The following KCTD7 variants were observed in gnomAD, a reference collection of about 807,000 sequenced individuals.
KCTD7 encodes potassium channel tetramerization domain containing 7, also known as BTB/POZ domain-containing protein KCTD7.
In KCTD7, 15 loss-of-function variants were observed where a neutral mutation model predicts 27.0. That is an observed-to-expected ratio of 0.56 (90% CI 0.37 to 0.86). The LOEUF is 0.86. KCTD7 is among the 40% of genes least tolerant of loss of function. KCTD7 has a pLI of 0.00. For synonymous variants in KCTD7, 159 were observed against 162.7 expected (o/e 0.98, Z 0.17); for missense variants, 299 against 398.9 (o/e 0.75, Z 2.13).
rs1034118225 is a variant in KCTD7, at chr7:66,642,310, A to C, written c.*3078A>C. 5.1e-6 allele frequency: 5 copies of C among 985,356 alleles called. No individual in the cohort carries two copies. The highest frequency in any genetic ancestry group is 6.0e-6 in the Non-Finnish European group (5 of 829,962). 61.0% of individuals were successfully genotyped at this position (985,356 alleles called of 1,614,324 possible). On this transcript the variant is annotated 3_prime_UTR_variant, in exon 4 of 4. Transcript: ENST00000639828. ...GCCCAGTGCTTACCATGCAGAAAGC[A>C]GTCAGCTGTACTCTGGAAGTTTCTG...
Position 66,639,284 on chromosome 7 carries a change from T to C in KCTD7, c.*52T>C, listed in dbSNP as rs758401521. 6.2e-7 allele frequency: 1 copy of C among 1,600,996 alleles called. No homozygotes were observed. The highest frequency in any genetic ancestry group is 8.5e-7 in the Non-Finnish European group (1 of 1,179,876). ...CAGGGAGGATGTCCACCTTGCTTGG[T>C]GGCTCTGGGAGTAAGATCCCTGAAG... On this transcript the variant is annotated 3_prime_UTR_variant, in exon 4 of 4. Transcript: ENST00000639828.
intron 2 of KCTD7, among the ~76,000 whole-genome samples, chr7:66,634,372 G>GT (rs1007827097): frequency 2.6e-5 from 4 of 151,510 alleles, no homozygotes; most frequent in African/African-American, 9.7e-5. Flanking sequence ...TTCGGGGGCT[G>GT]TTTTTTTGGA....
intron 1 of KCTD7, 24 bp from the exon 2 acceptor site, chr7:66,633,251 A>G (rs1786495229): frequency 6.2e-7 from 1 of 1,613,304 alleles, no homozygotes; most frequent in African/African-American, 1.3e-5. Context: ...TGCCTGCCTG[A>G]GAGCCCTGGT....
Position 66,641,010 on chromosome 7 carries a change from C to T in KCTD7, c.*1778C>T, listed in dbSNP as rs1786702283. ...CGTGGGGCTGGACGGCAGTGATCTC[C>T]TGTTCCCTATGTGTAAACAAAGATT... On this transcript the variant is annotated 3_prime_UTR_variant, in exon 4 of 4. Coordinates refer to ENST00000639828, the MANE Select transcript of KCTD7 (RefSeq NM_153033.5). 1.0e-6 allele frequency: 1 copy of T among 985,356 alleles called. No individual in the cohort carries two copies. Among genetic ancestry groups the T allele is most frequent in the Non-Finnish European group, 1.2e-6 (1 of 830,014 alleles). 61.0% of individuals were successfully genotyped at this position (985,356 alleles called of 1,614,324 possible). A position where few individuals can be genotyped will look rare whatever the true frequency, so the allele number is the denominator to read the frequency against.
Position 66,638,904 on chromosome 7 carries a change from G to A in KCTD7, c.542G>A (p.Arg181Gln), listed in dbSNP as rs754654827. ...ATCGCCCGGCTGCGTGCGGTCCAGC[G>A]GAAGGCCCGCTTTGCCAAGCTCAAG... Reference protein sequence around the residue: ...VEIARLRAVQRKARFAKLKVC... With the variant: ...VEIARLRAVQQKARFAKLKVC... Residue 181 changes from arginine to glutamine, a missense_variant, in exon 4 of 4, where the codon CGG becomes CAG. By Grantham distance (43) the Arg-to-Gln change is conservative. Transcript: ENST00000639828. 19 of 1,613,928 alleles carry A rather than the reference G, an allele frequency of 1.2e-5. No homozygotes were observed. The highest frequency in any genetic ancestry group is 1.4e-5 in the Non-Finnish European group (17 of 1,180,016).
At chr7:66,631,112 T>A (rs965726736) in intron 1 of KCTD7, among the ~76,000 whole-genome samples, 1 of 152,166 alleles carries the variant, frequency 6.6e-6, no homozygotes, top group Admixed American at 6.6e-5. Context: ...TAACTACCTG[T>A]CTATTTCTTT....
Position 66,633,370 on chromosome 7 carries a change from G to A in KCTD7, c.240G>A (p.Met80Ile), listed in dbSNP as rs765917850. The A allele has an allele frequency of 2.5e-6, 4 of 1,614,020 alleles. No homozygotes were observed. Among genetic ancestry groups the A allele is most frequent in the East Asian group, 2.2e-5 (1 of 44,874 alleles). ...RCYEDTMLAA[M>I]FSGRHYIPTD... ...ACGAAGACACCATGTTGGCAGCCAT[G>A]TTCAGTGGGCGGCACTACATCCCCA... The change falls in exon 2 of 4, where the codon ATG becomes ATA. Residue 80 changes from methionine to isoleucine, a missense_variant. Transcript: ENST00000639828.
intron 2 of KCTD7, among the ~76,000 whole-genome samples, chr7:66,635,462 G>A (rs778782270): frequency 1.6e-4 from 24 of 152,070 alleles, no homozygotes; most frequent in Non-Finnish European, 3.1e-4. Context: ...TGCTGCACAG[G>A]CTTGTCAAAG....
chr7:66,629,581 G>A (rs1331832982), intron 1 of KCTD7, among the ~76,000 whole-genome samples: 1 of 152,024 alleles, frequency 6.6e-6, no homozygotes. Context: ...ACCGTAGCTC[G>A]AGCCTGTAAT....
chr7:66,641,477 T>TTGCTCTCAA lies in KCTD7; in HGVS notation c.*2250_*2251insTCAATGCTC. 4 of 985,410 alleles carry TTGCTCTCAA rather than the reference T, an allele frequency of 4.1e-6. No individual in the cohort carries two copies. Among genetic ancestry groups the TTGCTCTCAA allele is most frequent in the Non-Finnish European group, 4.8e-6 (4 of 829,922 alleles). The allele number at this position is 985,410 out of a possible 1,614,324, so 61.0% of individuals were successfully genotyped here. Reference sequence around the variant, plus strand: ...ACATGCAAGCCATTGAGAGACTTGTTTGCTCAAATGCAAGTTTGCTCAAAA... The same window carrying TTGCTCTCAA: ...ACATGCAAGCCATTGAGAGACTTGTTTGCTCTCAATGCTCAAATGCAAGTTTGCTCAAAA... On this transcript the variant is annotated 3_prime_UTR_variant, in exon 4 of 4. Coordinates refer to ENST00000639828, the MANE Select transcript of KCTD7 (RefSeq NM_153033.5).
Position 66,638,243 on chromosome 7 carries a change from T to A in KCTD7, c.315-10T>A. Reference sequence around the variant, plus strand: ...CTCCTTGTCACCGACCCTCTTTCCTTCCTGCTTAGAGATGTGCTGAATTTC... The same window carrying A: ...CTCCTTGTCACCGACCCTCTTTCCTACCTGCTTAGAGATGTGCTGAATTTC... On this transcript the variant is annotated splice_polypyrimidine_tract_variant and intron_variant, in intron 2 of 3. Transcript: ENST00000639828. 1 of 1,614,200 alleles carries A rather than the reference T, an allele frequency of 6.2e-7. No individual in the cohort carries two copies. The highest frequency in any genetic ancestry group is 8.5e-7 in the Non-Finnish European group (1 of 1,180,028).
chr7:66,633,469 C>A, intron 2 of KCTD7, 25 bp downstream of exon 2: 2 of 1,611,110 alleles, frequency 1.2e-6, no homozygotes, highest in South Asian at 2.2e-5. Context: ...CTACAATCAA[C>A]TTTGTAGTCC....
rs1205684583 is a variant in KCTD7 at position 66,640,285 on chromosome 7, TC to T, written c.*1056del. The T allele has an allele frequency of 1.1e-4, 162 of 1,518,120 alleles. 1 individual carries two copies. Among genetic ancestry groups the T allele is most frequent in the Non-Finnish European group, 1.4e-4 (158 of 1,137,382 alleles). The allele number at this position is 1,518,120 out of a possible 1,614,324, so 94.0% of individuals were successfully genotyped here. On this transcript the variant is annotated 3_prime_UTR_variant, in exon 4 of 4. Transcript: ENST00000639828. ...CTAGGAGCCGTAGGAAGACAAAACT[TC>T]CCTTTTGTTTTACTCCTCACTCCTC...
In KCTD7 at chr7:66,639,249, A is replaced by G; in HGVS notation, c.*17A>G. On this transcript the variant is annotated 3_prime_UTR_variant, in exon 4 of 4. Transcript: ENST00000639828. ...TGGTGGTGAGTAGCCCCGGTAGGCG[A>G]GAGTCCCATCAGGGAGGATGTCCAC... 1 of 1,607,326 alleles carries G rather than the reference A, an allele frequency of 6.2e-7. No homozygotes were observed. The highest frequency in any genetic ancestry group is 8.5e-7 in the Non-Finnish European group (1 of 1,179,972).
chr7:66,633,860 T>C (rs1786511422), intron 2 of KCTD7, among the ~76,000 whole-genome samples: 1 of 151,702 alleles, frequency 6.6e-6, no homozygotes, highest in East Asian at 1.9e-4. Flanking sequence ...TGGTGGCTCA[T>C]ACCTGCAATC....
Position 66,629,020 on chromosome 7 carries a change from G to C in KCTD7, c.-45G>C. 1 of 1,477,388 alleles carries C rather than the reference G, an allele frequency of 6.8e-7. No homozygotes were observed. Among genetic ancestry groups the C allele is most frequent in the Non-Finnish European group, 9.0e-7 (1 of 1,111,274 alleles). 91.5% of individuals were successfully genotyped at this position (1,477,388 alleles called of 1,614,324 possible). On this transcript the variant is annotated 5_prime_UTR_variant, in exon 1 of 4. Coordinates refer to ENST00000639828, the MANE Select transcript of KCTD7 (RefSeq NM_153033.5). ...GCGGTAGGGAGTGCCCGGGGCCGCCGCCTCCGCCCGCCCGAAGCCGCGCCC... is the reference window on the plus strand; with the variant it reads ...GCGGTAGGGAGTGCCCGGGGCCGCCCCCTCCGCCCGCCCGAAGCCGCGCCC...
intron 2 of KCTD7, among the ~76,000 whole-genome samples, chr7:66,634,077 C>A (rs916081977): frequency 1.4e-5 from 2 of 141,448 alleles, no homozygotes; most frequent in African/African-American, 2.6e-5. Flanking sequence ...CATACATGCA[C>A]ACATATATAT....
intron 1 of KCTD7, among the ~76,000 whole-genome samples, chr7:66,632,289 A>T (rs547851052): frequency 6.6e-6 from 1 of 150,878 alleles, no homozygotes; most frequent in African/African-American, 2.4e-5. Flanking sequence ...AGATCGAGAC[A>T]ATCCTGGCTA....
chr7:66,631,523 C>T (rs1007469271), intron 1 of KCTD7, among the ~76,000 whole-genome samples: 8 of 149,294 alleles, frequency 5.4e-5, no homozygotes, highest in African/African-American at 9.9e-5. Flanking sequence ...GAACCGAGAT[C>T]GTGCCATTGC....
Sources: allele counts gnomAD v4.1 joint callset (sites outside exome capture counted in the v4.1 genomes callset), GRCh38; gene constraint gnomAD v4.1.1; transcripts MANE v1.5; gene names NCBI Gene and HGNC (gene_info 2026-07-23, HGNC 2026-07-21).